The following CAMK2B variants were observed in gnomAD, a reference collection of about 807,000 sequenced individuals.
CAMK2B encodes the protein calcium/calmodulin dependent protein kinase II beta, also known as calcium/calmodulin-dependent protein kinase type II subunit beta.
A neutral mutation model predicts 93.7 loss-of-function variants in CAMK2B; 27 were observed. The ratio of observed to expected loss-of-function variants is 0.29; its 90% CI spans 0.21 to 0.40. The LOEUF (loss-of-function observed/expected upper bound fraction) is 0.40. CAMK2B is among the 10% of genes least tolerant of loss of function. The pLI is 1.00. For missense variants in CAMK2B, 568 were observed against 895.8 expected (o/e 0.63, Z 4.67); for synonymous variants, 374 against 358.8 (o/e 1.04, Z -0.48).
intron 4 of CAMK2B, 63 bp from the exon 5 acceptor site, chr7:44,254,670 T>C (rs370219624): frequency 9.3e-7 from 1 of 1,073,390 alleles, no homozygotes; most frequent in East Asian, 2.4e-5. Context: ...CACTGTCACC[T>C]CCATTACTAC....
Position 44,243,539 on chromosome 7 carries a change from T to G in CAMK2B, c.415-12A>C, listed in dbSNP as rs1584105709. 6.2e-7 allele frequency: 1 copy of G among 1,610,488 alleles called. No homozygotes were observed. The highest frequency in any genetic ancestry group is 8.5e-7 in the Non-Finnish European group (1 of 1,177,084). On this transcript the variant is annotated splice_polypyrimidine_tract_variant and intron_variant, in intron 6 of 23. Coordinates refer to ENST00000395749, the MANE Select transcript of CAMK2B (RefSeq NM_001220.5). ...AGCAGGTTCTCCGGCTGCAGGGAGG[T>G]GACCGGCACAAGGGTGCATGTTGTT...
intron 2 of CAMK2B, among the ~76,000 whole-genome samples, chr7:44,272,017 C>A (rs2096979044): frequency 6.6e-6 from 1 of 152,200 alleles, no homozygotes; most frequent in Non-Finnish European, 1.5e-5. Context: ...AGCAAGGAGA[C>A]TGGGTAGAAG....
chr7:44,228,547 G>A (rs2096543462), intron 19 of CAMK2B, among the ~76,000 whole-genome samples: 1 of 152,120 alleles, frequency 6.6e-6, no homozygotes, highest in Admixed American at 6.5e-5. Flanking sequence ...CCTGGGGCTG[G>A]ACAGCGAGCG....
Position 44,219,788 on chromosome 7 carries a change from G to A in CAMK2B, c.*3-266C>T, listed in dbSNP as rs572419995. On this transcript the variant is annotated intron_variant, in intron 23 of 23. Coordinates refer to ENST00000395749, the MANE Select transcript of CAMK2B (RefSeq NM_001220.5). The stretch of plus-strand genomic sequence containing the variant: ...CATGGTGCCCAGGACTGTGCTGCCC[G>A]GGGCCCATCCACCTGCAACCCACCC... Among the ~76,000 whole-genome samples the A allele has an allele frequency of 7.9e-5, 12 of 152,268 alleles. No homozygotes were observed. In the East Asian group the frequency reaches 1.7e-3, roughly 22 times the overall value.
At chr7:44,267,480 C>T (rs999955160) in intron 2 of CAMK2B, among the ~76,000 whole-genome samples, 3 of 152,182 alleles carry the variant, frequency 2.0e-5, no homozygotes, top group South Asian at 4.1e-4. Context: ...ATGAGTTCAA[C>T]CAGCTCCTAA....
chr7:44,236,087 T>C (rs895593751), intron 13 of CAMK2B, among the ~76,000 whole-genome samples: 2 of 152,178 alleles, frequency 1.3e-5, no homozygotes, highest in Admixed American at 1.3e-4. Flanking sequence ...GGGCTGGACA[T>C]CTGTTCCATA....
chr7:44,247,230 T>C (rs1387678154), intron 5 of CAMK2B, 38 bp from the exon 6 acceptor site: 1 of 1,581,106 alleles, frequency 6.3e-7, no homozygotes, highest in Non-Finnish European at 8.7e-7. Context: ...CGAGTGGCCC[T>C]GGGGAGCAGC....
At chr7:44,281,163 C>A (rs1487945336) in intron 2 of CAMK2B, among the ~76,000 whole-genome samples, 1 of 152,258 alleles carries the variant, frequency 6.6e-6, no homozygotes, top group Non-Finnish European at 1.5e-5. Flanking sequence ...TGACTGCTGT[C>A]ATCGCAGGGT....
intron 1 of CAMK2B, among the ~76,000 whole-genome samples, chr7:44,303,541 G>A (rs975793071): frequency 2.6e-5 from 4 of 152,120 alleles, no homozygotes; most frequent in Non-Finnish European, 5.9e-5. Flanking sequence ...AGAACAACTG[G>A]ATATTCAGAT....
At chr7:44,309,640 T>C (rs1025524333) in intron 1 of CAMK2B, among the ~76,000 whole-genome samples, 4 of 152,148 alleles carry the variant, frequency 2.6e-5, no homozygotes, top group African/African-American at 4.8e-5. Context: ...GTCGGGACTC[T>C]GCGCCCGCGG....
At chr7:44,284,865 C>A (rs1008283861) in intron 1 of CAMK2B, among the ~76,000 whole-genome samples, 1 of 152,030 alleles carries the variant, frequency 6.6e-6, no homozygotes, top group Non-Finnish European at 1.5e-5. Flanking sequence ...AACGCAGAGG[C>A]CATGGAGGCC....
Position 44,311,424 on chromosome 7 carries a change from A to T in CAMK2B, c.65+13933T>A, listed in dbSNP as rs114082321. Among the ~76,000 whole-genome samples, 2,095 of 152,332 alleles carry T rather than the reference A, an allele frequency of 0.014. 56 individuals carry two copies. Among genetic ancestry groups the T allele is most frequent in the African/African-American group, 0.048 (1,991 of 41,570 alleles). On this transcript the variant is annotated intron_variant, in intron 1 of 23. Coordinates refer to ENST00000395749, the MANE Select transcript of CAMK2B (RefSeq NM_001220.5). This position sits in a 1 kb window ranked among gnomAD's most constrained non-coding sequence, Gnocchi z 4.2. ...CCTTTATCACCATGTGGCAAATCAA[A>T]TTCTTAACCTCTAGTAACAAACAAG...
chr7:44,320,930 G>A (rs915573380), intron 1 of CAMK2B, among the ~76,000 whole-genome samples: 3 of 152,176 alleles, frequency 2.0e-5, no homozygotes, highest in African/African-American at 4.8e-5. Flanking sequence ...AAGTGCCAGG[G>A]AGAAGACAAG....
At chr7:44,316,061 T>C (rs1794763565) in intron 1 of CAMK2B, among the ~76,000 whole-genome samples, 1 of 152,214 alleles carries the variant, frequency 6.6e-6, no homozygotes, top group South Asian at 2.1e-4. Flanking sequence ...TTTTCTTGCC[T>C]AATTGCCCTG....
intron 5 of CAMK2B, among the ~76,000 whole-genome samples, chr7:44,247,479 C>T (rs2096743040): frequency 6.6e-6 from 1 of 152,206 alleles, no homozygotes; most frequent in Non-Finnish European, 1.5e-5. Flanking sequence ...TGTCCCCAGG[C>T]TCCTGTTGGC....
At chr7:44,299,608 C>T (rs1219119120) in intron 1 of CAMK2B, among the ~76,000 whole-genome samples, 1 of 152,012 alleles carries the variant, frequency 6.6e-6, no homozygotes, top group African/African-American at 2.4e-5. Context: ...AATCAAAATA[C>T]ATATAAGTGA....
chr7:44,287,045 C>T (rs372205603), intron 1 of CAMK2B, among the ~76,000 whole-genome samples: 30 of 152,180 alleles, frequency 2.0e-4, no homozygotes, highest in African/African-American at 7.0e-4. Flanking sequence ...GGAGGGCACC[C>T]TCAAGAATAG....
chr7:44,232,631 G>A (rs1041536424), intron 16 of CAMK2B, among the ~76,000 whole-genome samples, 191 bp downstream of exon 16: 2 of 152,222 alleles, frequency 1.3e-5, no homozygotes, highest in South Asian at 2.1e-4. Context: ...CCAGGGGCGC[G>A]CCTGGGGCCT....
rs2096392506 is a variant in CAMK2B, at chr7:44,220,811, G to A, written c.1673+15C>T. ...CCTTGTCCTGCACAGCCCCCCCCCA[G>A]CCCCAGGGACTCACGCGTAGGCCTC... is the stretch of plus-strand genomic sequence containing the variant. On this transcript the variant is annotated intron_variant, in intron 21 of 23. Coordinates refer to ENST00000395749, the MANE Select transcript of CAMK2B (RefSeq NM_001220.5). The A allele has an allele frequency of 1.9e-6, 3 of 1,555,568 alleles. No individual in the cohort carries two copies. The highest frequency in any genetic ancestry group is 1.2e-5 in the South Asian group (1 of 84,658).
Sources: allele counts gnomAD v4.1 joint callset (sites outside exome capture counted in the v4.1 genomes callset), GRCh38; gene constraint gnomAD v4.1.1; non-coding constraint Gnocchi (gnomAD v3.1); transcripts MANE v1.5; gene names NCBI Gene and HGNC (gene_info 2026-07-23, HGNC 2026-07-21).